The following MTG1 variants were observed in gnomAD, a reference collection of about 807,000 sequenced individuals.
MTG1 encodes the protein mitochondrial ribosome-associated GTPase 1.
A neutral mutation model predicts 39.5 loss-of-function variants in MTG1; 30 were observed. The observed-to-expected ratio is 0.76, with a 90% CI of 0.57 to 1.03. The LOEUF (loss-of-function observed/expected upper bound fraction) is 1.03, where lower values mean the gene tolerates loss of function less well. MTG1 is among the 50% of genes least tolerant of loss of function. The pLI, the probability that MTG1 is intolerant of heterozygous loss-of-function variation, is 0.00. For missense variants in MTG1, 513 were observed against 447.4 expected (o/e 1.15, Z -1.32); for synonymous variants, 217 against 179.0 (o/e 1.21, Z -1.69).
intron 2 of MTG1, 150 bp from the exon 3 acceptor site, chr10:133,396,013 G>T (rs1006903434): frequency 1.2e-5 from 10 of 832,142 alleles, no homozygotes; most frequent in African/African-American, 1.2e-4. Flanking sequence ...GATGGGCTAT[G>T]AAACTGTTTA....
At chr10:133,395,432 C>T (rs1849768182) in intron 1 of MTG1, among the ~76,000 whole-genome samples, 1 of 152,164 alleles carries the variant, frequency 6.6e-6, no homozygotes, top group Non-Finnish European at 1.5e-5. Context: ...TTAAATATTC[C>T]ACCCAGAGTC....
At chr10:133,398,590 C>T (rs1849823125) in intron 4 of MTG1, 75 bp downstream of exon 4, 1 of 1,484,114 alleles carries the variant, frequency 6.7e-7, no homozygotes, top group African/African-American at 1.4e-5. Flanking sequence ...CTGTTTTATG[C>T]TTTAGTAAGA....
chr10:133,396,051 C>A, intron 2 of MTG1, 112 bp from the exon 3 acceptor site: 1 of 1,027,520 alleles, frequency 9.7e-7, no homozygotes, highest in Non-Finnish European at 1.5e-6. Flanking sequence ...GGGCTTTTCT[C>A]CTGTACTTGA....
chr10:133,411,613 T>G (rs1159082220), intron 9 of MTG1, among the ~76,000 whole-genome samples: 1 of 152,200 alleles, frequency 6.6e-6, no homozygotes, highest in Non-Finnish European at 1.5e-5. Context: ...TTCTGTATCT[T>G]GCATGTGTTC....
chr10:133,416,035 C>T (rs1348284180), intron 9 of MTG1, among the ~76,000 whole-genome samples: 4 of 133,056 alleles, frequency 3.0e-5, no homozygotes, highest in African/African-American at 1.4e-4. Context: ...GTCGGGCAGG[C>T]GGGCGTCGGG....
chr10:133,415,046 A>G (rs1017221821), intron 9 of MTG1, among the ~76,000 whole-genome samples: 2 of 152,196 alleles, frequency 1.3e-5, no homozygotes, highest in Admixed American at 6.5e-5. Flanking sequence ...CGCGCCTGCA[A>G]TTGGAGGCAC....
Position 133,420,309 on chromosome 10 carries a change from C to A in MTG1, c.*144C>A, listed in dbSNP as rs576574212. The A allele has an allele frequency of 9.7e-7, 1 of 1,032,254 alleles. No homozygotes were observed. The highest frequency in any genetic ancestry group is 1.3e-6 in the Non-Finnish European group (1 of 758,194). The allele number at this position is 1,032,254 out of a possible 1,614,324, so 63.9% of individuals were successfully genotyped here. A position where few individuals can be genotyped will look rare whatever the true frequency, so the allele number is the denominator to read the frequency against. On this transcript the variant is annotated 3_prime_UTR_variant, in exon 11 of 11. Transcript: ENST00000317502. ...TGCTCTCTGGCGCCCCACAGCCTGGCCAGCTCCAGGGACCCCAGTTGCAGG... is the reference window on the plus strand; with the variant it reads ...TGCTCTCTGGCGCCCCACAGCCTGGACAGCTCCAGGGACCCCAGTTGCAGG...
chr10:133,412,866 T>A (rs149730356), intron 9 of MTG1, among the ~76,000 whole-genome samples: 48 of 152,384 alleles, frequency 3.1e-4, no homozygotes, highest in Non-Finnish European at 5.9e-4. Flanking sequence ...ATTTTCTATT[T>A]GTACTACCAA....
intron 7 of MTG1, 117 bp downstream of exon 7, chr10:133,401,707 T>C (rs776049216): frequency 1.0e-5 from 10 of 962,406 alleles, no homozygotes; most frequent in Non-Finnish European, 1.6e-5. Flanking sequence ...CTCCACTCAG[T>C]GTCCCCGCTG....
At chr10:133,409,402 A>G (rs1377498210) in intron 9 of MTG1, among the ~76,000 whole-genome samples, 2 of 152,306 alleles carry the variant, frequency 1.3e-5, no homozygotes, top group East Asian at 3.9e-4. Flanking sequence ...CAGAAAAGAT[A>G]CTCAATAAGA....
chr10:133,403,605 G>A (rs538640456), intron 9 of MTG1, among the ~76,000 whole-genome samples: 4 of 152,304 alleles, frequency 2.6e-5, no homozygotes, highest in African/African-American at 9.6e-5. Flanking sequence ...TGTGTTGTCC[G>A]TCATTCATCC....
chr10:133,395,361 C>G (rs558911272), intron 1 of MTG1, among the ~76,000 whole-genome samples: 2 of 152,224 alleles, frequency 1.3e-5, no homozygotes, highest in Non-Finnish European at 2.9e-5. Context: ...TGCCACTGCA[C>G]TCCAGCCTGG....
intron 1 of MTG1, chr10:133,394,720 G>C (rs1169349875): frequency 1.2e-5 from 12 of 1,037,166 alleles, no homozygotes; most frequent in Non-Finnish European, 1.3e-5. Flanking sequence ...GGGACTAAAT[G>C]AAACAGTGGG....
At chr10:133,412,559 C>T (rs890600007) in intron 9 of MTG1, among the ~76,000 whole-genome samples, 1 of 152,176 alleles carries the variant, frequency 6.6e-6, no homozygotes, top group Non-Finnish European at 1.5e-5. Context: ...TGGCTACAGT[C>T]TTCAATACAA....
At chr10:133,407,598 CGGTCTT>C (rs1225520755) in intron 9 of MTG1, among the ~76,000 whole-genome samples, 1 of 141,130 alleles carries the variant, frequency 7.1e-6, no homozygotes, top group African/African-American at 2.7e-5. Context: ...GATGGAGTTT[CGGTCTT>C]GTTGCCCAGT....
At chr10:133,400,644 G>A (rs185171756) in intron 6 of MTG1, among the ~76,000 whole-genome samples, 30 of 152,222 alleles carry the variant, frequency 2.0e-4, no homozygotes, top group East Asian at 1.7e-3. Context: ...ATTTTTAAGC[G>A]TATTATTTTT....
intron 9 of MTG1, among the ~76,000 whole-genome samples, chr10:133,413,182 C>G (rs780817421): frequency 1.3e-5 from 2 of 152,204 alleles, no homozygotes; most frequent in African/African-American, 4.8e-5. Flanking sequence ...ACAATGTTGT[C>G]TCACTGCAAC....
intron 9 of MTG1, among the ~76,000 whole-genome samples, chr10:133,412,474 A>AT (rs1277064787): frequency 1.3e-5 from 2 of 152,276 alleles, no homozygotes; most frequent in South Asian, 4.1e-4. Flanking sequence ...CAATTATGTC[A>AT]TTTGCAAATA....
At position 133,420,267 on chromosome 10, in the gene MTG1, T is replaced by G; in HGVS notation, c.*102T>G. 7.1e-7 allele frequency: 1 copy of G among 1,399,384 alleles called. No homozygotes were observed. Among genetic ancestry groups the G allele is most frequent in the Non-Finnish European group, 9.5e-7 (1 of 1,050,616 alleles). 86.7% of individuals were successfully genotyped at this position (1,399,384 alleles called of 1,614,324 possible). ...CTCACCCGGTCCAGAAGCTCCATGCTGGTCACTAGGGTGCTGTGCTCTCTG... is the reference window on the plus strand; with the variant it reads ...CTCACCCGGTCCAGAAGCTCCATGCGGGTCACTAGGGTGCTGTGCTCTCTG... On this transcript the variant is annotated 3_prime_UTR_variant, in exon 11 of 11. Coordinates refer to ENST00000317502, the MANE Select transcript of MTG1 (RefSeq NM_138384.4).
Sources: gnomAD v4.1 joint callset for allele counts (sites outside exome capture counted in the v4.1 genomes callset) on GRCh38, gnomAD v4.1.1 for gene constraint, MANE v1.5 for transcripts, NCBI Gene and HGNC (gene_info 2026-07-23, HGNC 2026-07-21) for gene names.